Variants in SENP6 observed in about 807,000 individuals in gnomAD.
The protein encoded by SENP6 is SUMO specific peptidase 6, also known as sentrin-specific protease 6.
In SENP6, 41 loss-of-function variants were observed where a neutral mutation model predicts 134.5. That is an observed-to-expected ratio of 0.30 (90% CI 0.24 to 0.40). SENP6 has a LOEUF of 0.40. Ranked by LOEUF, SENP6 falls within the 10% of genes least tolerant of loss-of-function variation. The probability of loss-of-function intolerance (pLI) is 1.00; values close to 1 mark genes in which losing one functional copy is unlikely to be tolerated. For missense variants in SENP6, 1,248 were observed against 1,312.5 expected (o/e 0.95, Z 0.76); for synonymous variants, 395 against 429.8 (o/e 0.92, Z 1.00).
Position 75,711,330 on chromosome 6 carries a change from T to C in SENP6, c.2823T>C (p.Asp941=), listed in dbSNP as rs763999251. 6.2e-7 allele frequency: 1 copy of C among 1,610,794 alleles called. No homozygotes were observed. The part of the protein sequence containing the change: ...VDFSEDQDNQ[D]DSSDDGFLAD... ...TAACAGTAGGCTGTCTTTTATAGGA[T>C]GATAGCAGTGACGATGGATTCCTCG... The change falls in exon 21 of 24, where the codon GAT becomes GAC. Residue 941 remains aspartate (D), a splice_region_variant and synonymous_variant. Coordinates refer to ENST00000447266, the MANE Select transcript of SENP6 (RefSeq NM_015571.4).
intron 16 of SENP6, among the ~76,000 whole-genome samples, chr6:75,688,813 A>G (rs1048195368): frequency 2.6e-5 from 4 of 152,208 alleles, no homozygotes; most frequent in Non-Finnish European, 4.4e-5. Flanking sequence ...CACGCCTATA[A>G]TCCCAGCACT....
At chr6:75,624,363 TC>T (rs1343139880) in intron 3 of SENP6, among the ~76,000 whole-genome samples, 2 of 152,208 alleles carry the variant, frequency 1.3e-5, no homozygotes, top group East Asian at 3.8e-4. Flanking sequence ...TTAATTTTTT[TC>T]TAAAATAATC....
At chr6:75,713,623 A>G in intron 22 of SENP6, 42 bp downstream of exon 22, 1 of 1,597,040 alleles carries the variant, frequency 6.3e-7, no homozygotes, top group Non-Finnish European at 8.6e-7. Context: ...GGGATGAAGA[A>G]CTATGTATAT....
chr6:75,694,871 T>A lies in SENP6; in HGVS notation c.2076-933T>A, dbSNP rs192739330. The stretch of plus-strand genomic sequence containing the variant: ...TTTAGAGTGTGCCCTTGGTTTTTTT[T>A]AATTTATTTTTATTTTCTTGAGACC... On this transcript the variant is annotated intron_variant, in intron 16 of 23. Coordinates refer to ENST00000447266, the MANE Select transcript of SENP6 (RefSeq NM_015571.4). 4.5e-4 allele frequency among the ~76,000 whole-genome samples: 68 copies of A among 152,236 alleles called. 1 individual carries two copies. The highest frequency in any genetic ancestry group is 1.6e-4 in the Non-Finnish European group (11 of 68,012).
At chr6:75,620,887 T>G (rs1768217702) in intron 1 of SENP6, 1 of 152,158 alleles carries the variant, frequency 6.6e-6, no homozygotes, top group Non-Finnish European at 1.5e-5. Context: ...CATCAGGTTT[T>G]TGGTCATAGG....
intron 8 of SENP6, among the ~76,000 whole-genome samples, chr6:75,659,817 A>G (rs894871315): frequency 1.3e-5 from 2 of 152,060 alleles, no homozygotes; most frequent in Non-Finnish European, 2.9e-5. Flanking sequence ...AAACGTGTGT[A>G]TATGTATTTT....
At chr6:75,632,896 C>A (rs1464885544) in intron 3 of SENP6, among the ~76,000 whole-genome samples, 3 of 151,944 alleles carry the variant, frequency 2.0e-5, no homozygotes, top group African/African-American at 7.3e-5. Flanking sequence ...AAAATCAAAA[C>A]AATTAGGAGG....
intron 3 of SENP6, among the ~76,000 whole-genome samples, chr6:75,627,225 G>A (rs1405962458): frequency 2.0e-5 from 3 of 152,200 alleles, no homozygotes; most frequent in Admixed American, 2.0e-4. Context: ...GCCTCCCAAA[G>A]TGCTGAGATT....
intron 7 of SENP6, among the ~76,000 whole-genome samples, chr6:75,650,939 T>G (rs1770815040): frequency 1.3e-5 from 2 of 152,238 alleles, no homozygotes; most frequent in African/African-American, 4.8e-5. Flanking sequence ...TATTGTTCTC[T>G]TTGCCTTCTT....
Position 75,718,010 on chromosome 6 carries a change from AAAG to A in SENP6, c.*2417_*2419del, listed in dbSNP as rs2149912048. On this transcript the variant is annotated 3_prime_UTR_variant, in exon 24 of 24. Transcript: ENST00000447266. Reference sequence around the variant, plus strand: ...TATTTCAAGTTCACATAACCCTAAAAAAGGTTTTCTTTGTGTAGTAACTTGTGC... The same window carrying A: ...TATTTCAAGTTCACATAACCCTAAAAGTTTTCTTTGTGTAGTAACTTGTGC... 6.6e-6 allele frequency: 1 copy of A among 152,322 alleles called. No homozygotes were observed. The highest frequency in any genetic ancestry group is 2.4e-5 in the African/African-American group (1 of 41,582). 9.4% of individuals were successfully genotyped at this position (152,322 alleles called of 1,614,324 possible). A position where few individuals can be genotyped will look rare whatever the true frequency, so the allele number is the denominator to read the frequency against.
intron 1 of SENP6, among the ~76,000 whole-genome samples, chr6:75,604,873 G>C (rs1766913989): frequency 6.6e-6 from 1 of 151,920 alleles, no homozygotes; most frequent in Non-Finnish European, 1.5e-5. Flanking sequence ...AGGAGTTTGA[G>C]ACCAGCCTGG....
intron 1 of SENP6, among the ~76,000 whole-genome samples, chr6:75,615,821 G>A (rs1767809135): frequency 6.6e-6 from 1 of 152,194 alleles, no homozygotes; most frequent in African/African-American, 2.4e-5. Flanking sequence ...GAAGCCTTCT[G>A]AGCCTGAGTT....
intron 19 of SENP6, among the ~76,000 whole-genome samples, chr6:75,708,082 C>G (rs1350975607): frequency 1.3e-5 from 2 of 152,110 alleles, no homozygotes; most frequent in East Asian, 3.8e-4. Context: ...TTTTTTGAGA[C>G]AGAGTCTTGC....
chr6:75,659,237 GT>G, intron 7 of SENP6, 24 bp from the exon 8 acceptor site: 4 of 1,555,636 alleles, frequency 2.6e-6, no homozygotes, highest in Non-Finnish European at 2.6e-6. Flanking sequence ...AAAACTTAAA[GT>G]TTATTTTTTT....
At chr6:75,619,151 A>G (rs1768077248) in intron 1 of SENP6, among the ~76,000 whole-genome samples, 1 of 152,064 alleles carries the variant, frequency 6.6e-6, no homozygotes, top group South Asian at 2.1e-4. Context: ...AATGTTGTGC[A>G]GCCACCACCA....
chr6:75,675,862 C>G lies in SENP6; in HGVS notation c.1429C>G (p.Pro477Ala). Residue 477 changes from proline to alanine, a missense_variant and splice_region_variant, in exon 13 of 24, where the codon CCA (proline) becomes GCA (alanine). Coordinates refer to ENST00000447266, the MANE Select transcript of SENP6 (RefSeq NM_015571.4). ...LDFIKIQLDEPDHDPVEIILN... is the reference protein window; with the variant it reads ...LDFIKIQLDEADHDPVEIILN... ...CCATTTCATTTGTTTTCCTCCAGAA[C>G]CAGACCATGATCCTGTAGAGATTAT... 1 of 1,576,198 alleles carries G rather than the reference C, an allele frequency of 6.3e-7. No homozygotes were observed. Among genetic ancestry groups the G allele is most frequent in the South Asian group, 1.2e-5 (1 of 83,998 alleles).
chr6:75,635,097 G>T (rs945836843), intron 5 of SENP6: 2 of 441,020 alleles, frequency 4.5e-6, no homozygotes, highest in Non-Finnish European at 8.6e-6. Flanking sequence ...TGACCTGAAA[G>T]TGTTTGACTG....
intron 6 of SENP6, among the ~76,000 whole-genome samples, chr6:75,642,844 G>T (rs1294153761): frequency 1.3e-5 from 2 of 152,194 alleles, no homozygotes; most frequent in African/African-American, 2.4e-5. Context: ...TGTTACAAAG[G>T]AAAATCAGTA....
At chr6:75,602,735 C>T (rs917289443) in intron 1 of SENP6, among the ~76,000 whole-genome samples, 159 bp downstream of exon 1, 2 of 152,112 alleles carry the variant, frequency 1.3e-5, no homozygotes, top group African/African-American at 4.8e-5. Flanking sequence ...TGCGAGCGCA[C>T]CTGGTTCGAG....
Sources: gnomAD v4.1 joint callset for allele counts (sites outside exome capture counted in the v4.1 genomes callset) on GRCh38, gnomAD v4.1.1 for gene constraint, MANE v1.5 for transcripts, NCBI Gene and HGNC (gene_info 2026-07-23, HGNC 2026-07-21) for gene names.